Variants in TF observed in about 807,000 individuals in gnomAD.
The protein encoded by TF is transferrin.
Under a neutral mutation model 82.4 loss-of-function variants are expected in TF, and 55 were observed. The observed-to-expected ratio is 0.67, with a 90% CI of 0.54 to 0.84. The LOEUF (loss-of-function observed/expected upper bound fraction) is 0.84, where lower values mean the gene tolerates loss of function less well. Ranked by LOEUF, TF falls within the 40% of genes least tolerant of loss-of-function variation. The pLI, the probability that TF is intolerant of heterozygous loss-of-function variation, is 0.00. For missense variants in TF, 737 were observed against 868.4 expected (o/e 0.85, Z 1.90); for synonymous variants, 332 against 332.6 (o/e 1.00, Z 0.02).
chr3:133,711,439 G>T, the TF span, among the ~76,000 whole-genome samples: 1 of 152,120 alleles, frequency 6.6e-6, no homozygotes, highest in Non-Finnish European at 1.5e-5. Flanking sequence ...GTTCAAAACT[G>T]AATGCACCAT....
At chr3:133,674,745 G>T in the TF span, among the ~76,000 whole-genome samples, 1 of 151,088 alleles carries the variant, frequency 6.6e-6, no homozygotes, top group Non-Finnish European at 1.5e-5. Flanking sequence ...GACCCTGCGC[G>T]ACAACCGGAC....
In TF at chr3:133,778,758, C is replaced by CA. The variant is rs1934456817; in HGVS notation, c.*144dup. The CA allele has an allele frequency of 1.3e-6, 1 of 745,562 alleles. No homozygotes were observed. 46.2% of individuals were successfully genotyped at this position (745,562 alleles called of 1,614,324 possible). A position where few individuals can be genotyped will look rare whatever the true frequency, so the allele number is the denominator to read the frequency against. On this transcript the variant is annotated 3_prime_UTR_variant, in exon 17 of 17. Coordinates refer to ENST00000402696, the MANE Select transcript of TF (RefSeq NM_001063.4). The stretch of plus-strand genomic sequence containing the variant: ...GCTCTGTGTTGCCATGTGTGCTGAA[C>CA]AAAAAATAAAAATTATTATTGATTT...
the TF span, among the ~76,000 whole-genome samples, chr3:133,725,447 G>A: frequency 6.6e-6 from 1 of 151,880 alleles, no homozygotes; most frequent in Non-Finnish European, 1.5e-5. Context: ...TCATGATTTG[G>A]CTCTCTGTTT....
rs1193008293 is a variant in TF, at chr3:133,746,455, G to A, written c.15G>A (p.Val5=). MRLA[V]GALLVCAVLG... ...GCACCCGGAAGATGAGGCTCGCCGT[G>A]GGAGCCCTGCTGGTCTGCGCCGTCC... Residue 5 remains valine, a synonymous_variant, in exon 1 of 17, where the codon GTG becomes GTA. Transcript: ENST00000402696. 1 of 1,600,716 alleles carries A rather than the reference G, an allele frequency of 6.2e-7. No individual in the cohort carries two copies. The highest frequency in any genetic ancestry group is 8.5e-7 in the Non-Finnish European group (1 of 1,177,206).
chr3:133,717,499 G>C, the TF span, among the ~76,000 whole-genome samples: 3 of 152,200 alleles, frequency 2.0e-5, no homozygotes, highest in Admixed American at 2.0e-4. Context: ...CAGGCTACCT[G>C]GAGGGAAATG....
chr3:133,752,398 C>T (rs1933699488), intron 2 of TF, among the ~76,000 whole-genome samples: 1 of 152,142 alleles, frequency 6.6e-6, no homozygotes, highest in Non-Finnish European at 1.5e-5. Flanking sequence ...TATACCTGGC[C>T]TGCTTTGTAA....
chr3:133,775,095 T>A (rs1934353247), intron 14 of TF: 1 of 380,282 alleles, frequency 2.6e-6, no homozygotes, highest in Non-Finnish European at 5.0e-6. Context: ...AGCGTCACAT[T>A]CTTCCTCTGT....
Position 133,757,870 on chromosome 3 carries a change from C to A in TF, c.972C>A (p.Val324=), listed in dbSNP as rs148358704. The A allele has an allele frequency of 6.2e-7, 1 of 1,613,890 alleles. No homozygotes were observed. Among genetic ancestry groups the A allele is most frequent in the Non-Finnish European group, 8.5e-7 (1 of 1,179,844 alleles). Residue 324 remains valine, a synonymous_variant, in exon 8 of 17, where the codon GTC becomes GTA. Transcript: ENST00000402696. ...ACTCTGCCCACGGGTTTTTAAAAGT[C>A]CCCCCCAGGATGGATGCCAAGATGT... The part of the protein sequence containing the change: ...FKDSAHGFLK[V]PPRMDAKMYL...
At chr3:133,735,179 A>G in the TF span, among the ~76,000 whole-genome samples, 10 of 152,136 alleles carry the variant, frequency 6.6e-5, no homozygotes, top group South Asian at 2.1e-3. Flanking sequence ...CGTCTCTACT[A>G]AAAATACAAA....
chr3:133,738,729 T>C, the TF span, among the ~76,000 whole-genome samples: 1 of 151,988 alleles, frequency 6.6e-6, no homozygotes, highest in Non-Finnish European at 1.5e-5. Context: ...ACAAAGAGAA[T>C]AAAATACCTA....
intron 14 of TF, among the ~76,000 whole-genome samples, chr3:133,771,911 T>C (rs955414490): frequency 6.6e-6 from 1 of 152,100 alleles, no homozygotes; most frequent in Non-Finnish European, 1.5e-5. Context: ...CAGAGCCCAC[T>C]GGAATTCAAG....
At chr3:133,725,452 C>G in the TF span, among the ~76,000 whole-genome samples, 1 of 152,034 alleles carries the variant, frequency 6.6e-6, no homozygotes, top group Non-Finnish European at 1.5e-5. Flanking sequence ...ATTTGGCTCT[C>G]TGTTTGTCTG....
chr3:133,753,436 G>C (rs1933731458), intron 2 of TF, among the ~76,000 whole-genome samples, 159 bp from the exon 3 acceptor site: 1 of 150,132 alleles, frequency 6.7e-6, no homozygotes, highest in Non-Finnish European at 1.5e-5. Context: ...CCTTGCGAGG[G>C]AGACAGAGTC....
chr3:133,732,260 T>A, the TF span, among the ~76,000 whole-genome samples: 1 of 152,132 alleles, frequency 6.6e-6, no homozygotes, highest in Non-Finnish European at 1.5e-5. Flanking sequence ...CTGGGTCGGG[T>A]GGGGACTTGG....
the TF span, among the ~76,000 whole-genome samples, chr3:133,693,260 T>C: frequency 6.6e-6 from 1 of 152,310 alleles, no homozygotes; most frequent in East Asian, 1.9e-4. Flanking sequence ...TTGGGGATTC[T>C]AGACACACTA....
At chr3:133,740,387 G>A in the TF span, among the ~76,000 whole-genome samples, 1 of 152,134 alleles carries the variant, frequency 6.6e-6, no homozygotes, top group East Asian at 1.9e-4. Flanking sequence ...AATGTGGCAT[G>A]ATCTCAGCTC....
chr3:133,790,281 A>G lies in TF; in HGVS notation c.*11661A>G, dbSNP rs1416956794. ...GAATTGTTCTTAACTATAAATTCCC[A>G]TATCTGATAGTTCAGGATTTCTAGC... On this transcript the variant is annotated 3_prime_UTR_variant, in exon 17 of 17. Transcript: ENST00000402696. 2 of 152,234 alleles carry G rather than the reference A, an allele frequency of 1.3e-5. No homozygotes were observed. The highest frequency in any genetic ancestry group is 6.5e-5 in the Admixed American group (1 of 15,288). 9.4% of individuals were successfully genotyped at this position (152,234 alleles called of 1,614,324 possible).
chr3:133,757,453 G>A (rs527959877), intron 7 of TF, among the ~76,000 whole-genome samples: 4 of 152,292 alleles, frequency 2.6e-5, no homozygotes, highest in African/African-American at 4.8e-5. Context: ...TTGCCGAGCC[G>A]TCCCATCTGT....
chr3:133,686,576 C>A, the TF span, among the ~76,000 whole-genome samples: 1 of 152,190 alleles, frequency 6.6e-6, no homozygotes, highest in Non-Finnish European at 1.5e-5. Context: ...GACATTCATG[C>A]AGCCAACAGA....
Sources: gnomAD v4.1 joint callset for allele counts (sites outside exome capture counted in the v4.1 genomes callset) on GRCh38, gnomAD v4.1.1 for gene constraint, MANE v1.5 for transcripts, NCBI Gene and HGNC (gene_info 2026-07-23, HGNC 2026-07-21) for gene names.